The following PRELID2 variants were observed in gnomAD, a reference collection of about 807,000 sequenced individuals.
PRELID2 encodes the protein PRELI domain-containing protein 2.
Under a neutral mutation model 28.4 loss-of-function variants are expected in PRELID2, and 25 were observed. That is an observed-to-expected ratio of 0.88 (90% CI 0.64 to 1.23). The LOEUF is 1.23. Among genes scored for constraint, PRELID2 ranks in the 50% most tolerant of loss-of-function variants. The probability of loss-of-function intolerance (pLI) is 0.00; values close to 1 mark genes in which losing one functional copy is unlikely to be tolerated. For missense variants in PRELID2, 201 were observed against 214.4 expected, an observed-to-expected ratio of 0.94 and a Z score of 0.39; for synonymous variants, 76 against 71.6, an observed-to-expected ratio of 1.06 and a Z score of -0.31.
chr5:145,408,055 A>C, the PRELID2 span, among the ~76,000 whole-genome samples: 1 of 151,864 alleles, frequency 6.6e-6, no homozygotes, highest in Non-Finnish European at 1.5e-5. Context: ...AACAACAATT[A>C]CTGCTGTCTG....
chr5:145,533,370 A>G (rs1482115171), intron 1 of PRELID2, among the ~76,000 whole-genome samples: 1 of 152,074 alleles, frequency 6.6e-6, no homozygotes, highest in Non-Finnish European at 1.5e-5. Flanking sequence ...CTTGAACTCA[A>G]ATGAAAGAAC....
intron 1 of PRELID2, among the ~76,000 whole-genome samples, chr5:145,644,915 G>A (rs1023118584): frequency 6.6e-6 from 1 of 152,176 alleles, no homozygotes; most frequent in Non-Finnish European, 1.5e-5. Context: ...TGCATTTGCT[G>A]AGGAGTGCCT....
intron 1 of PRELID2, among the ~76,000 whole-genome samples, chr5:145,631,744 A>C (rs927374303): frequency 6.6e-6 from 1 of 152,214 alleles, no homozygotes; most frequent in Non-Finnish European, 1.5e-5. Context: ...CACCAATATT[A>C]TTCTTCCAAA....
chr5:145,289,153 G>A, the PRELID2 span, among the ~76,000 whole-genome samples: 27 of 151,856 alleles, frequency 1.8e-4, no homozygotes, highest in East Asian at 5.0e-3. Flanking sequence ...TTTTTTTAAT[G>A]TGCATACATC....
chr5:145,645,107 C>T (rs925898944), intron 1 of PRELID2, among the ~76,000 whole-genome samples: 6 of 151,978 alleles, frequency 3.9e-5, no homozygotes, highest in Non-Finnish European at 8.8e-5. Context: ...CTAATATTGA[C>T]AGTGGGGTGT....
At chr5:145,350,801 T>C in the PRELID2 span, among the ~76,000 whole-genome samples, 4 of 152,142 alleles carry the variant, frequency 2.6e-5, no homozygotes, top group Admixed American at 2.6e-4. Context: ...AATTTGAATA[T>C]GTGGCAGCAG....
intron 5 of PRELID2, among the ~76,000 whole-genome samples, chr5:145,786,425 C>T (rs1035490036): frequency 2.0e-5 from 3 of 152,228 alleles, no homozygotes; most frequent in Non-Finnish European, 4.4e-5. Flanking sequence ...CTCACGCTCA[C>T]TGCCACATTC....
intron 1 of PRELID2, among the ~76,000 whole-genome samples, chr5:145,714,216 A>G (rs1445084499): frequency 6.6e-6 from 1 of 152,116 alleles, no homozygotes; most frequent in East Asian, 1.9e-4. Flanking sequence ...TAGGCACAAC[A>G]CCAACCACTT....
the PRELID2 span, among the ~76,000 whole-genome samples, chr5:145,292,510 G>A: frequency 8.5e-5 from 13 of 152,192 alleles, 1 homozygote; most frequent in South Asian, 2.7e-3. Context: ...ACTCCAAGCA[G>A]AGTCTCTCAC....
intron 1 of PRELID2, among the ~76,000 whole-genome samples, chr5:145,613,558 G>A (rs570485721): frequency 1.5e-3 from 218 of 150,234 alleles, no homozygotes; most frequent in African/African-American, 5.2e-3. Flanking sequence ...CTATTGCAAG[G>A]ACAAAAAAAC....
At chr5:145,423,583 C>G in the PRELID2 span, among the ~76,000 whole-genome samples, 1 of 143,900 alleles carries the variant, frequency 6.9e-6, no homozygotes, top group Non-Finnish European at 1.5e-5. Flanking sequence ...GTTTTCAGCT[C>G]CATCAGCTCC....
At chr5:145,496,221 G>A (rs113399865) in intron 1 of PRELID2, among the ~76,000 whole-genome samples, 101 of 152,204 alleles carry the variant, frequency 6.6e-4, no homozygotes, top group Non-Finnish European at 1.3e-3. Context: ...AATTTGACTC[G>A]TGTTCTGGCT....
intron 1 of PRELID2, among the ~76,000 whole-genome samples, chr5:145,740,836 T>G (rs1245476233): frequency 8.8e-6 from 1 of 113,988 alleles, no homozygotes; most frequent in East Asian, 2.5e-4. Context: ...AAATATATAT[T>G]TATCGATAAA....
At chr5:145,324,390 A>G in the PRELID2 span, among the ~76,000 whole-genome samples, 1 of 152,222 alleles carries the variant, frequency 6.6e-6, no homozygotes, top group Non-Finnish European at 1.5e-5. Flanking sequence ...TTCAACTCTT[A>G]GGAGCCAGGG....
the PRELID2 span, among the ~76,000 whole-genome samples, chr5:145,353,468 A>G: frequency 8.8e-4 from 134 of 151,990 alleles, no homozygotes; most frequent in African/African-American, 1.3e-3. Flanking sequence ...ATCTCAAAAA[A>G]AAAAGAAAAG....
At chr5:145,455,792 G>A in the PRELID2 span, among the ~76,000 whole-genome samples, 10 of 152,194 alleles carry the variant, frequency 6.6e-5, no homozygotes, top group African/African-American at 1.9e-4. Context: ...GCTAGGGGAG[G>A]GAGCTCCCTG....
chr5:145,583,663 C>T, intron 1 of PRELID2, among the ~76,000 whole-genome samples: 1 of 151,894 alleles, frequency 6.6e-6, no homozygotes, highest in East Asian at 1.9e-4. Flanking sequence ...AGCAGAGAGC[C>T]AAATTATGAA....
chr5:145,413,182 CATAA>C, the PRELID2 span, among the ~76,000 whole-genome samples: 1 of 151,906 alleles, frequency 6.6e-6, no homozygotes, highest in Non-Finnish European at 1.5e-5. Flanking sequence ...GGGCAAAGGA[CATAA>C]ATAGACAATT....
intron 1 of PRELID2, among the ~76,000 whole-genome samples, chr5:145,518,848 C>A (rs1752540919): frequency 6.6e-6 from 1 of 152,206 alleles, no homozygotes; most frequent in Non-Finnish European, 1.5e-5. Flanking sequence ...GTACACAGAA[C>A]AATCCCTTAC....
Sources: allele counts gnomAD v4.1 joint callset (sites outside exome capture counted in the v4.1 genomes callset), GRCh38; gene constraint gnomAD v4.1.1; transcripts MANE v1.5; gene names NCBI Gene and HGNC (gene_info 2026-07-23, HGNC 2026-07-21).